RREB1: variants seen among roughly 807,000 people sequenced by gnomAD.
RREB1 encodes the protein ras-responsive element-binding protein 1.
Under a neutral mutation model 117.8 loss-of-function variants are expected in RREB1, and 27 were observed. The ratio of observed to expected loss-of-function variants is 0.23; its 90% CI spans 0.17 to 0.32. The LOEUF is 0.32. Among genes scored for constraint, RREB1 ranks in the 10% least tolerant of loss-of-function variants. The pLI, the probability that RREB1 is intolerant of heterozygous loss-of-function variation, is 1.00. For missense variants in RREB1, 2,577 were observed against 2,378.2 expected, an observed-to-expected ratio of 1.08 and a Z score of -1.74; for synonymous variants, 1,298 against 1,026.7, an observed-to-expected ratio of 1.26 and a Z score of -5.05.
Position 7,251,459 on chromosome 6 carries a change from GA to G in RREB1, c.*2495del, listed in dbSNP as rs1395806672. On this transcript the variant is annotated 3_prime_UTR_variant, in exon 13 of 13. Transcript: ENST00000379938. ...AAAAATATATATATATGGATCTTCT[GA>G]AAAGTTTTTTGAGGTGCAAGTTTTT... 2.7e-5 allele frequency: 4 copies of G among 145,968 alleles called. No homozygotes were observed. Among genetic ancestry groups the G allele is most frequent in the Non-Finnish European group, 6.0e-5 (4 of 66,766 alleles). 9.0% of individuals were successfully genotyped at this position (145,968 alleles called of 1,614,324 possible).
chr6:7,230,035 C>T lies in RREB1; in HGVS notation c.1936C>T (p.Arg646Cys), dbSNP rs1159516210. ...PAMRKVLYPC[R>C]FCNQVFAFSG... ...CATGCGCAAGGTGCTCTACCCCTGC[C>T]GCTTCTGCAACCAGGTGTTTGCCTT... is the stretch of plus-strand genomic sequence containing the variant. The change falls in exon 10 of 13, where the codon CGC becomes TGC. Residue 646 changes from arginine (R) to cysteine (C), a missense_variant. By Grantham distance (180) the Arg-to-Cys change is radical. Transcript: ENST00000379938. 1 of 1,610,484 alleles carries T rather than the reference C, an allele frequency of 6.2e-7. No individual in the cohort carries two copies. The highest frequency in any genetic ancestry group is 8.5e-7 in the Non-Finnish European group (1 of 1,177,500).
At chr6:7,151,692 A>C (rs938535637) in intron 1 of RREB1, among the ~76,000 whole-genome samples, 1 of 152,228 alleles carries the variant, frequency 6.6e-6, no homozygotes, top group Non-Finnish European at 1.5e-5. Context: ...CTGAGCACAC[A>C]CTGCAGTTCC....
intron 1 of RREB1, among the ~76,000 whole-genome samples, chr6:7,162,655 A>C (rs982156149): frequency 6.6e-6 from 1 of 151,942 alleles, no homozygotes; most frequent in Non-Finnish European, 1.5e-5. Context: ...CCCAAACCTT[A>C]CCCTATGTGT....
chr6:7,189,097 C>G, intron 5 of RREB1, 62 bp from the exon 6 acceptor site: 2 of 1,490,984 alleles, frequency 1.3e-6, no homozygotes, highest in Non-Finnish European at 1.8e-6. Context: ...ATCTGCATTT[C>G]CTAAGAGCTG....
At chr6:7,137,675 C>T (rs1406058763) in intron 1 of RREB1, among the ~76,000 whole-genome samples, 3 of 151,502 alleles carry the variant, frequency 2.0e-5, no homozygotes, top group Middle Eastern at 3.2e-3. Context: ...AAAGGTACAG[C>T]GTTAATTTAA....
At chr6:7,153,246 T>A (rs58236107) in intron 1 of RREB1, among the ~76,000 whole-genome samples, 7,692 of 151,772 alleles carry the variant, frequency 0.051, 628 homozygotes, top group African/African-American at 0.17. Context: ...TATTTTTTTT[T>A]AAAAAAAGTA....
chr6:7,189,718 TAAAAAC>T (rs768025567), intron 6 of RREB1, among the ~76,000 whole-genome samples: 1 of 152,142 alleles, frequency 6.6e-6, no homozygotes, highest in African/African-American at 2.4e-5. Context: ...TCATTGCAAA[TAAAAAC>T]AAAAAGTCTG....
At chr6:7,129,286 G>A (rs1762060761) in intron 1 of RREB1, among the ~76,000 whole-genome samples, 1 of 152,222 alleles carries the variant, frequency 6.6e-6, no homozygotes, top group African/African-American at 2.4e-5. Context: ...TGTTGAGGAA[G>A]GTGTCTGAGA....
At chr6:7,194,297 C>A (rs1406381076) in intron 6 of RREB1, among the ~76,000 whole-genome samples, 1 of 152,144 alleles carries the variant, frequency 6.6e-6, no homozygotes, top group Non-Finnish European at 1.5e-5. Flanking sequence ...CACCTGTAAT[C>A]TCAGCACTTT....
At chr6:7,198,632 T>A (rs1765786348) in intron 6 of RREB1, among the ~76,000 whole-genome samples, 1 of 152,194 alleles carries the variant, frequency 6.6e-6, no homozygotes, top group Admixed American at 6.5e-5. Context: ...GTTGGGCGTT[T>A]AGTGAATATT....
At position 7,250,054 on chromosome 6, in the gene RREB1, A is replaced by C. The variant is rs1769343747; in HGVS notation, c.*1086A>C. Reference sequence around the variant, plus strand: ...CAAGCATGGTCCAGGAGCAGCTCAGAGAGGGTGGAGTGAGGATGCATGCAT... The same window carrying C: ...CAAGCATGGTCCAGGAGCAGCTCAGCGAGGGTGGAGTGAGGATGCATGCAT... On this transcript the variant is annotated 3_prime_UTR_variant, in exon 13 of 13. Transcript: ENST00000379938. The C allele has an allele frequency of 6.6e-6, 1 of 152,644 alleles. No individual in the cohort carries two copies. Among genetic ancestry groups the C allele is most frequent in the Non-Finnish European group, 1.5e-5 (1 of 68,072 alleles). The allele number at this position is 152,644 out of a possible 1,614,324, so 9.5% of individuals were successfully genotyped here. A position where few individuals can be genotyped will look rare whatever the true frequency, so the allele number is the denominator to read the frequency against.
intron 4 of RREB1, among the ~76,000 whole-genome samples, chr6:7,186,991 T>G (rs746935707): frequency 1.5e-4 from 23 of 152,218 alleles, no homozygotes; most frequent in Non-Finnish European, 2.8e-4. Flanking sequence ...CCTTGTTATC[T>G]CTCAGGTGTT....
chr6:7,200,234 ATG>A lies in RREB1; in HGVS notation c.426-10564_426-10563del, dbSNP rs1326696802. Among the ~76,000 whole-genome samples, 7 of 125,218 alleles carry A rather than the reference ATG, an allele frequency of 5.6e-5. No individual in the cohort carries two copies. In the East Asian group the frequency reaches 1.4e-3, roughly 26 times the overall value. The allele number at this position is 125,218 out of a possible 152,430, so 82.1% of individuals were successfully genotyped here. A position where few individuals can be genotyped will look rare whatever the true frequency, so the allele number is the denominator to read the frequency against. The stretch of plus-strand genomic sequence containing the variant: ...TATGTGTGTGTATATATATATATGT[ATG>A]TGTGTATATGTGTGTGTGTGTGTGT... On this transcript the variant is annotated intron_variant, in intron 6 of 12. Transcript: ENST00000379938.
chr6:7,210,140 T>C, intron 6 of RREB1, among the ~76,000 whole-genome samples: 1 of 152,396 alleles, frequency 6.6e-6, no homozygotes, highest in African/African-American at 2.4e-5. Context: ...ATATTTTATG[T>C]AATACTTAAC....
At chr6:7,185,629 G>A (rs968327264) in intron 4 of RREB1, among the ~76,000 whole-genome samples, 2 of 152,168 alleles carry the variant, frequency 1.3e-5, no homozygotes, top group Non-Finnish European at 2.9e-5. Context: ...TTGAAGAGGA[G>A]TGAGAGGGAA....
At chr6:7,201,428 G>A (rs1219834977) in intron 6 of RREB1, among the ~76,000 whole-genome samples, 1 of 152,000 alleles carries the variant, frequency 6.6e-6, no homozygotes, top group Non-Finnish European at 1.5e-5. Flanking sequence ...AGCAAACACT[G>A]AAGCGTGCCC....
Position 7,229,906 on chromosome 6 carries a change from G to C in RREB1, c.1807G>C (p.Glu603Gln). 1 of 1,601,106 alleles carries C rather than the reference G, an allele frequency of 6.2e-7. No homozygotes were observed. Among genetic ancestry groups the C allele is most frequent in the Non-Finnish European group, 8.5e-7 (1 of 1,170,684 alleles). Residue 603 changes from glutamate to glutamine, a missense_variant, in exon 10 of 13, where the codon GAG becomes CAG. Transcript: ENST00000379938. This position sits in a 1 kb window ranked among gnomAD's most constrained non-coding sequence, Gnocchi z 4.5. ...GCAGCTGGAGCAGGACAGCATCATC[G>C]AGGCCCTGCTGCCGCTGAGCATGGA... ...KTQLEQDSII[E>Q]ALLPLSMEAK...
intron 1 of RREB1, among the ~76,000 whole-genome samples, chr6:7,165,664 G>A (rs1427731533): frequency 6.6e-6 from 1 of 152,230 alleles, no homozygotes; most frequent in Non-Finnish European, 1.5e-5. Flanking sequence ...TGGGGACTGG[G>A]TGGGCGTGTC....
intron 6 of RREB1, among the ~76,000 whole-genome samples, chr6:7,201,494 T>TC (rs11352594): frequency 0.011 from 1,272 of 115,174 alleles, 14 homozygotes; most frequent in East Asian, 0.1. Context: ...GGCAACATTG[T>TC]CCCCCCCCCC....
Sources: allele counts gnomAD v4.1 joint callset (sites outside exome capture counted in the v4.1 genomes callset), GRCh38; gene constraint gnomAD v4.1.1; non-coding constraint Gnocchi (gnomAD v3.1); transcripts MANE v1.5; gene names NCBI Gene and HGNC (gene_info 2026-07-23, HGNC 2026-07-21).